Variants in SLC39A11 observed in about 807,000 individuals in gnomAD.
SLC39A11 encodes the protein solute carrier family 39 member 11.
In SLC39A11, 33 loss-of-function variants were observed where a neutral mutation model predicts 36.1. That is an observed-to-expected ratio of 0.91 (90% confidence interval 0.69 to 1.22). SLC39A11 has a LOEUF of 1.22. Ranked by LOEUF, SLC39A11 falls within the 50% of genes most tolerant of loss-of-function variation. The pLI is 0.00. For synonymous variants in SLC39A11, 166 were observed against 170.3 expected, an observed-to-expected ratio of 0.97 and a Z score of 0.20; for missense variants, 432 against 430.3, an observed-to-expected ratio of 1.00 and a Z score of -0.03.
chr17:72,980,733 T>C (rs1350084301), intron 4 of SLC39A11, among the ~76,000 whole-genome samples: 1 of 151,986 alleles, frequency 6.6e-6, no homozygotes, highest in African/African-American at 2.4e-5. Flanking sequence ...ATAATAAAAA[T>C]AGAATGTGAG....
chr17:72,879,123 C>G (rs1294344404), intron 5 of SLC39A11, among the ~76,000 whole-genome samples: 1 of 152,232 alleles, frequency 6.6e-6, no homozygotes, highest in Admixed American at 6.5e-5. Flanking sequence ...TCCAGGCACA[C>G]TATCCTCCAG....
At chr17:72,899,749 G>A (rs2082222672) in intron 5 of SLC39A11, among the ~76,000 whole-genome samples, 2 of 152,116 alleles carry the variant, frequency 1.3e-5, no homozygotes, top group South Asian at 2.1e-4. Flanking sequence ...ATCACTTGAG[G>A]TCACGAGTTT....
intron 4 of SLC39A11, among the ~76,000 whole-genome samples, chr17:73,031,084 G>A (rs1413563542): frequency 2.0e-5 from 3 of 152,186 alleles, no homozygotes; most frequent in Admixed American, 2.0e-4. Context: ...AATGGCAGGT[G>A]TGAGCTCCAG....
intron 4 of SLC39A11, among the ~76,000 whole-genome samples, chr17:73,027,376 CT>C (rs1366076418): frequency 3.3e-5 from 5 of 152,196 alleles, no homozygotes; most frequent in Non-Finnish European, 4.4e-5. Flanking sequence ...TGTCCACCCC[CT>C]TTTTTTCTCC....
At chr17:72,954,473 C>T (rs577871953) in intron 4 of SLC39A11, among the ~76,000 whole-genome samples, 6 of 152,326 alleles carry the variant, frequency 3.9e-5, no homozygotes, top group East Asian at 3.9e-4. Context: ...GGGCTTGGGA[C>T]GTGCAGTTGC....
intron 5 of SLC39A11, among the ~76,000 whole-genome samples, chr17:72,946,956 T>A (rs1455043243): frequency 6.6e-6 from 1 of 152,240 alleles, no homozygotes; most frequent in Admixed American, 6.5e-5. Flanking sequence ...TCCCTCTAAC[T>A]CAGAGAAAAG....
chr17:72,758,276 A>G (rs1291648048), intron 6 of SLC39A11, among the ~76,000 whole-genome samples: 1 of 152,248 alleles, frequency 6.6e-6, no homozygotes, highest in Non-Finnish European at 1.5e-5. Flanking sequence ...GGTCTGGAAG[A>G]CACAGTCAAG....
intron 6 of SLC39A11, among the ~76,000 whole-genome samples, chr17:72,780,945 C>T (rs936147375): frequency 2.0e-5 from 3 of 152,130 alleles, no homozygotes; most frequent in Non-Finnish European, 4.4e-5. Context: ...TCAGATCGCG[C>T]CATTGCATTG....
rs1366077387 is a variant in SLC39A11 at position 73,026,173 on chromosome 17, G to GA, written c.306+5382dup. On this transcript the variant is annotated intron_variant, in intron 4 of 9. Coordinates refer to ENST00000255559, the MANE Select transcript of SLC39A11 (RefSeq NM_139177.4). ...AGAGAGCAGAGGAGAGAAGAGAGGA[G>GA]AGGAGAAAGAGAAGAGAGAAGAGAA... Among the ~76,000 whole-genome samples the GA allele has an allele frequency of 5.1e-4, 56 of 109,752 alleles. 1 individual carries two copies. The highest frequency in any genetic ancestry group is 4.8e-3 in the Middle Eastern group (1 of 208). 72.0% of individuals were successfully genotyped at this position (109,752 alleles called of 152,430 possible).
chr17:72,664,424 G>A (rs902626596), intron 7 of SLC39A11, among the ~76,000 whole-genome samples: 5 of 152,114 alleles, frequency 3.3e-5, no homozygotes, highest in East Asian at 3.9e-4. Context: ...ACCATAAACC[G>A]TGGTGCCATT....
intron 5 of SLC39A11, among the ~76,000 whole-genome samples, chr17:72,871,533 G>A (rs2080628730): frequency 6.6e-6 from 1 of 152,090 alleles, no homozygotes; most frequent in Non-Finnish European, 1.5e-5. Flanking sequence ...GGGCCTACAG[G>A]TTGAGTTGAT....
rs934339 is a variant in SLC39A11 at position 72,796,461 on chromosome 17, C to T, written c.601+53173G>A. ...CTACAGATTCTTGGAAATACACCCT[C>T]CCCGTGGAGCTGGGCTTCCAGGATC... On this transcript the variant is annotated intron_variant, in intron 6 of 9. Coordinates refer to ENST00000255559, the MANE Select transcript of SLC39A11 (RefSeq NM_139177.4). Among the ~76,000 whole-genome samples the T allele has an allele frequency of 4.3e-3, 657 of 152,244 alleles. 10 individuals are homozygous for T. The highest frequency in any genetic ancestry group is 0.014 in the African/African-American group (593 of 41,502).
At chr17:72,964,693 G>A (rs911911493) in intron 4 of SLC39A11, among the ~76,000 whole-genome samples, 4 of 152,154 alleles carry the variant, frequency 2.6e-5, no homozygotes, top group African/African-American at 9.7e-5. Flanking sequence ...AGACAGTGTG[G>A]CAATTACTCA....
chr17:73,005,517 G>A (rs1240803612), intron 4 of SLC39A11, among the ~76,000 whole-genome samples: 1 of 152,208 alleles, frequency 6.6e-6, no homozygotes, highest in Admixed American at 6.5e-5. Context: ...GGTGCAGGGT[G>A]CCAGTCAGGA....
chr17:73,017,499 G>A (rs1469582761), intron 4 of SLC39A11, among the ~76,000 whole-genome samples: 2 of 152,112 alleles, frequency 1.3e-5, no homozygotes, highest in Non-Finnish European at 2.9e-5. Flanking sequence ...GATCACCTGA[G>A]GTTAGGAGTT....
At chr17:72,672,904 T>C (rs1422256042) in intron 7 of SLC39A11, among the ~76,000 whole-genome samples, 7 of 151,920 alleles carry the variant, frequency 4.6e-5, no homozygotes, top group Admixed American at 4.6e-4. Context: ...CCACCACGCC[T>C]AACCCTGCTT....
intron 6 of SLC39A11, chr17:72,821,733 C>T (rs893540908): frequency 6.6e-6 from 1 of 151,306 alleles, no homozygotes; most frequent in East Asian, 1.9e-4. Flanking sequence ...ATCTGAGAAA[C>T]TCAGTATCTC....
At chr17:72,765,161 T>TA (rs2075718691) in intron 6 of SLC39A11, among the ~76,000 whole-genome samples, 1 of 152,210 alleles carries the variant, frequency 6.6e-6, no homozygotes, top group Non-Finnish European at 1.5e-5. Context: ...GGTCAAAAGA[T>TA]ATGCGACTTC....
At chr17:73,021,089 C>T (rs1009562286) in intron 4 of SLC39A11, among the ~76,000 whole-genome samples, 2 of 152,140 alleles carry the variant, frequency 1.3e-5, no homozygotes, top group African/African-American at 2.4e-5. Flanking sequence ...CATTTCTTCC[C>T]TGACACCAGC....
Sources: allele counts gnomAD v4.1 joint callset (sites outside exome capture counted in the v4.1 genomes callset), GRCh38; gene constraint gnomAD v4.1.1; transcripts MANE v1.5; gene names NCBI Gene and HGNC (gene_info 2026-07-23, HGNC 2026-07-21).